Variants in TMEM135 observed in about 807,000 individuals in gnomAD.
TMEM135 encodes peroxisomal membrane protein 52.
In TMEM135, 30 loss-of-function variants were observed where a neutral mutation model predicts 60.3. That is an observed-to-expected ratio of 0.50 (90% CI 0.37 to 0.68). The LOEUF (loss-of-function observed/expected upper bound fraction) is 0.68, where lower values mean the gene tolerates loss of function less well. Ranked by LOEUF, TMEM135 falls within the 30% of genes least tolerant of loss-of-function variation. The pLI is 0.00. For synonymous variants in TMEM135, 190 were observed against 186.7 expected (o/e 1.02, Z -0.14); for missense variants, 468 against 548.8 (o/e 0.85, Z 1.47).
At chr11:87,228,111 G>C (rs1940804730) in intron 5 of TMEM135, among the ~76,000 whole-genome samples, 1 of 152,048 alleles carries the variant, frequency 6.6e-6, no homozygotes, top group South Asian at 2.1e-4. Flanking sequence ...GCCACCTATA[G>C]GATGAAGTGT....
At chr11:87,180,098 C>T (rs7946112) in intron 5 of TMEM135, among the ~76,000 whole-genome samples, 2,980 of 152,044 alleles carry the variant, frequency 0.02, 85 homozygotes, top group East Asian at 0.068. Context: ...GGCCCCTGTG[C>T]GAAGGAGTCT....
At position 87,227,985 on chromosome 11, in the gene TMEM135, G is replaced by A. The variant is rs1019490135; in HGVS notation, c.463-8653G>A. On this transcript the variant is annotated intron_variant, in intron 5 of 14. Coordinates refer to ENST00000305494, the MANE Select transcript of TMEM135 (RefSeq NM_022918.4). ...GGTTCTAAAAGACTCTGCCCTCTGG[G>A]ACTTTGTGTTCTAAGTAAGTAAGAG... 3.9e-5 allele frequency among the ~76,000 whole-genome samples: 6 copies of A among 152,118 alleles called. No individual in the cohort carries two copies. The South Asian group carries it at 1.2e-3, about 32-fold the overall frequency.
chr11:87,227,189 A>C (rs1940784361), intron 5 of TMEM135, among the ~76,000 whole-genome samples: 1 of 152,046 alleles, frequency 6.6e-6, no homozygotes, highest in Non-Finnish European at 1.5e-5. Flanking sequence ...GTATACATAA[A>C]TTCTGAGACT....
At chr11:87,167,042 C>G (rs748391464) in intron 5 of TMEM135, among the ~76,000 whole-genome samples, 2 of 151,930 alleles carry the variant, frequency 1.3e-5, no homozygotes, top group Admixed American at 6.6e-5. Context: ...AGTTGTATTC[C>G]TAGGTGTTTT....
At chr11:87,273,557 C>T (rs768641765) in intron 6 of TMEM135, among the ~76,000 whole-genome samples, 2 of 151,948 alleles carry the variant, frequency 1.3e-5, no homozygotes, top group Admixed American at 6.6e-5. Context: ...TCACTTGGAA[C>T]CTGCACCTAG....
At chr11:87,318,080 A>G (rs1942761621) in intron 12 of TMEM135, 57 bp from the exon 13 acceptor site, 3 of 1,358,654 alleles carry the variant, frequency 2.2e-6, no homozygotes, top group East Asian at 4.6e-5. Context: ...ATGCTCAACT[A>G]TGTTTTTAAT....
intron 5 of TMEM135, among the ~76,000 whole-genome samples, chr11:87,207,749 C>T (rs935535308): frequency 6.6e-6 from 1 of 152,204 alleles, no homozygotes; most frequent in South Asian, 2.1e-4. Context: ...TACTCCCCTA[C>T]TGGAGCACCT....
At chr11:87,120,472 C>CTTTTTTTTTTTT (rs541561365) in intron 4 of TMEM135, among the ~76,000 whole-genome samples, 10 of 104,252 alleles carry the variant, frequency 9.6e-5, no homozygotes, top group East Asian at 3.1e-4. Flanking sequence ...GATGAAATTT[C>CTTTTTTTTTTTT]TTTTTTTTTT....
At chr11:87,283,184 A>G (rs977768640) in intron 6 of TMEM135, among the ~76,000 whole-genome samples, 17 of 151,874 alleles carry the variant, frequency 1.1e-4, no homozygotes, top group Admixed American at 9.8e-4. Flanking sequence ...AAAATACAAA[A>G]TTAGCCAGGT....
chr11:87,195,936 C>G (rs1166590553), intron 5 of TMEM135, among the ~76,000 whole-genome samples: 1 of 151,934 alleles, frequency 6.6e-6, no homozygotes, highest in Non-Finnish European at 1.5e-5. Flanking sequence ...CAGTTATAAA[C>G]TTGTATGGAA....
At chr11:87,112,398 T>A (rs1353320081) in intron 4 of TMEM135, among the ~76,000 whole-genome samples, 1 of 152,114 alleles carries the variant, frequency 6.6e-6, no homozygotes, top group East Asian at 1.9e-4. Context: ...GTTCTGTAGC[T>A]CTCTGGTCAT....
chr11:87,152,084 T>C (rs1488723534), intron 4 of TMEM135, among the ~76,000 whole-genome samples: 1 of 152,186 alleles, frequency 6.6e-6, no homozygotes, highest in Non-Finnish European at 1.5e-5. Flanking sequence ...GGTGCCTTTC[T>C]ATTGATGCTC....
intron 1 of TMEM135, among the ~76,000 whole-genome samples, chr11:87,060,116 A>G (rs1949932279): frequency 6.6e-6 from 1 of 152,230 alleles, no homozygotes; most frequent in Non-Finnish European, 1.5e-5. Context: ...CTGAATAAAA[A>G]AAAAGAAAGA....
intron 1 of TMEM135, among the ~76,000 whole-genome samples, chr11:87,045,856 G>T (rs1317332503): frequency 1.3e-5 from 2 of 152,146 alleles, no homozygotes; most frequent in Non-Finnish European, 2.9e-5. Context: ...TAGACTATTG[G>T]TATTGAAATA....
intron 1 of TMEM135, among the ~76,000 whole-genome samples, chr11:87,042,948 AGTTTT>A (rs1357159049): frequency 7.2e-6 from 1 of 138,076 alleles, no homozygotes; most frequent in East Asian, 2.4e-4. Context: ...TTATTTCTGT[AGTTTT>A]GTTTTGTTTT....
At chr11:87,305,679 C>T (rs1942526692) in intron 8 of TMEM135, among the ~76,000 whole-genome samples, 1 of 152,076 alleles carries the variant, frequency 6.6e-6, no homozygotes, top group African/African-American at 2.4e-5. Flanking sequence ...GAGGCTGAGG[C>T]AGGAGAATCG....
intron 5 of TMEM135, 29 bp downstream of exon 5, chr11:87,157,435 AGTT>A (rs1565465383): frequency 1.3e-6 from 2 of 1,584,506 alleles, no homozygotes; most frequent in Non-Finnish European, 8.7e-7. Context: ...TATAGTTATT[AGTT>A]GTTAATTTAT....
intron 4 of TMEM135, among the ~76,000 whole-genome samples, chr11:87,114,144 C>A (rs1291642001): frequency 6.6e-6 from 1 of 151,956 alleles, no homozygotes; most frequent in African/African-American, 2.4e-5. Context: ...CATCTAGTCT[C>A]TCTTGAAGGA....
At chr11:87,067,031 C>T (rs544290137) in intron 1 of TMEM135, among the ~76,000 whole-genome samples, 2 of 151,004 alleles carry the variant, frequency 1.3e-5, no homozygotes, top group South Asian at 4.2e-4. Flanking sequence ...CTGCCCACCT[C>T]GGCCTCCCAA....
Sources: allele counts gnomAD v4.1 joint callset (sites outside exome capture counted in the v4.1 genomes callset), GRCh38; gene constraint gnomAD v4.1.1; transcripts MANE v1.5; gene names NCBI Gene and HGNC (gene_info 2026-07-23, HGNC 2026-07-21).